PRKCH: variants seen among roughly 807,000 people sequenced by gnomAD.
PRKCH encodes protein kinase C eta.
A neutral mutation model predicts 82.5 loss-of-function variants in PRKCH; 28 were observed. The ratio of observed to expected loss-of-function variants is 0.34; its 90% CI spans 0.25 to 0.47. PRKCH has a LOEUF of 0.47. Among genes scored for constraint, PRKCH ranks in the 20% least tolerant of loss-of-function variants. The pLI is 1.00. For missense variants in PRKCH, 705 were observed against 881.8 expected (o/e 0.80, Z 2.54); for synonymous variants, 322 against 327.4 (o/e 0.98, Z 0.18).
rs373945480 is a variant in PRKCH at position 61,326,831 on chromosome 14, T to G, written c.363+4367T>G. The G allele has an allele frequency of 1.2e-4, 25 of 207,510 alleles. 2 individuals are homozygous for G. The highest frequency in any genetic ancestry group is 1.1e-3 in the Admixed American group (20 of 17,936). 12.9% of individuals were successfully genotyped at this position (207,510 alleles called of 1,614,324 possible). On this transcript the variant is annotated intron_variant, in intron 1 of 13. Coordinates refer to ENST00000332981, the MANE Select transcript of PRKCH (RefSeq NM_006255.5). ...ATGGTCTCATTTTCTAAATTATCACTGTCAGTTTTTTTTCTGCTGCTTCTA... is the reference window on the plus strand; with the variant it reads ...ATGGTCTCATTTTCTAAATTATCACGGTCAGTTTTTTTTCTGCTGCTTCTA...
intron 1 of PRKCH, among the ~76,000 whole-genome samples, chr14:61,201,709 C>T (rs780663153): frequency 6.6e-6 from 1 of 151,948 alleles, no homozygotes; most frequent in Non-Finnish European, 1.5e-5. Context: ...GCCAATAGAA[C>T]TAAAAATAAA....
chr14:61,460,277 T>G (rs1469320043), intron 9 of PRKCH, among the ~76,000 whole-genome samples: 1 of 152,230 alleles, frequency 6.6e-6, no homozygotes, highest in Non-Finnish European at 1.5e-5. Context: ...TTAATTTAAC[T>G]TTTCCTCCTC....
At chr14:61,323,354 C>A (rs998980326) in intron 1 of PRKCH, among the ~76,000 whole-genome samples, 1 of 152,186 alleles carries the variant, frequency 6.6e-6, no homozygotes, top group Non-Finnish European at 1.5e-5. Flanking sequence ...AATCCTCACA[C>A]TGTCTTTGTG....
intron 7 of PRKCH, among the ~76,000 whole-genome samples, chr14:61,454,426 C>A (rs1884665487): frequency 6.6e-6 from 1 of 152,164 alleles, no homozygotes; most frequent in Non-Finnish European, 1.5e-5. Context: ...TTAAAATCAG[C>A]TTCCTGTCAC....
intron 10 of PRKCH, among the ~76,000 whole-genome samples, chr14:61,510,955 C>A (rs1367450573): frequency 6.6e-6 from 1 of 152,022 alleles, no homozygotes; most frequent in Non-Finnish European, 1.5e-5. Context: ...AAGAACAGAA[C>A]CTTAGGGAAC....
chr14:61,218,564 C>T (rs1328844163), intron 1 of PRKCH, among the ~76,000 whole-genome samples: 2 of 152,120 alleles, frequency 1.3e-5, no homozygotes, highest in South Asian at 4.2e-4. Flanking sequence ...TCCTGCCCCA[C>T]CGCCCCCCAA....
chr14:61,426,229 T>G (rs1485223737), intron 2 of PRKCH, among the ~76,000 whole-genome samples: 1 of 152,242 alleles, frequency 6.6e-6, no homozygotes. Context: ...GGCTTCTTCA[T>G]GTAGAGGAAC....
chr14:61,374,201 C>A (rs4902050), intron 1 of PRKCH, among the ~76,000 whole-genome samples: 9,339 of 152,208 alleles, frequency 0.061, 482 homozygotes, highest in East Asian at 0.22. Flanking sequence ...CAGGGCACAC[C>A]GATGCAAGGG....
intron 1 of PRKCH, among the ~76,000 whole-genome samples, chr14:61,238,672 T>C (rs2044810513): frequency 6.6e-6 from 1 of 152,212 alleles, no homozygotes; most frequent in South Asian, 2.1e-4. Flanking sequence ...TATCAATGTT[T>C]TCTTTATTCA....
chr14:61,265,849 C>T (rs2079656727), intron 1 of PRKCH, among the ~76,000 whole-genome samples: 2 of 152,158 alleles, frequency 1.3e-5, no homozygotes, highest in Non-Finnish European at 2.9e-5. Context: ...AATCCCAGCA[C>T]TCTGGAAGGA....
At position 61,203,457 on chromosome 14, in the gene PRKCH, G is replaced by C. The variant is rs1162543697; in HGVS notation, c.-19+15789G>C. The stretch of plus-strand genomic sequence containing the variant: ...CAGGCATGGTGGAGGGGCTTGGGGG[G>C]TACTCAAATGACAGGACTGAAGATT... On this transcript the variant is annotated intron_variant, in intron 1 of 3. Coordinates refer to the PRKCH transcript ENST00000555185. 5.3e-5 allele frequency among the ~76,000 whole-genome samples: 8 copies of C among 152,170 alleles called. No individual in the cohort carries two copies. The South Asian group carries it at 1.5e-3, about 28-fold the overall frequency.
At chr14:61,519,182 C>T (rs1040427617) in intron 10 of PRKCH, among the ~76,000 whole-genome samples, 5 of 151,806 alleles carry the variant, frequency 3.3e-5, no homozygotes, top group East Asian at 1.9e-4. Context: ...ACTTGGAGGC[C>T]GAGGTGAGAG....
chr14:61,537,397 G>A (rs1468353987), intron 12 of PRKCH: 1 of 152,096 alleles, frequency 6.6e-6, no homozygotes, highest in Non-Finnish European at 1.5e-5. Flanking sequence ...CCTGTTTTCT[G>A]GTGTCAACAT....
At chr14:61,312,840 GGGT>G (rs374450038) in intron 1 of PRKCH, among the ~76,000 whole-genome samples, 6 of 152,272 alleles carry the variant, frequency 3.9e-5, no homozygotes, top group African/African-American at 1.4e-4. Flanking sequence ...GACGCGATCT[GGGT>G]GGCACACAGC....
intron 10 of PRKCH, among the ~76,000 whole-genome samples, chr14:61,498,529 G>A (rs926937898): frequency 2.6e-5 from 4 of 152,146 alleles, no homozygotes; most frequent in Non-Finnish European, 4.4e-5. Context: ...AAATACCACA[G>A]ACTGGATTCC....
chr14:61,510,334 C>G (rs1247450584), intron 10 of PRKCH, among the ~76,000 whole-genome samples: 1 of 151,964 alleles, frequency 6.6e-6, no homozygotes, highest in Non-Finnish European at 1.5e-5. Context: ...AGCCTGGAAG[C>G]CAGGAGTTCA....
At chr14:61,288,587 C>T (rs996676548) in intron 1 of PRKCH, among the ~76,000 whole-genome samples, 5 of 152,130 alleles carry the variant, frequency 3.3e-5, no homozygotes, top group African/African-American at 7.2e-5. Context: ...ACTCTGAATT[C>T]GTAATGGCTG....
At chr14:61,329,234 C>CTGTTTTTTTTTTT (rs2045747042) in intron 1 of PRKCH, among the ~76,000 whole-genome samples, 1 of 63,462 alleles carries the variant, frequency 1.6e-5, no homozygotes, top group Non-Finnish European at 2.7e-5. Flanking sequence ...ACTCCTGAGT[C>CTGTTTTTTTTTTT]TTTTTTTTTT....
chr14:61,243,975 T>A (rs1474029771), intron 1 of PRKCH, among the ~76,000 whole-genome samples: 2 of 151,822 alleles, frequency 1.3e-5, no homozygotes, highest in Non-Finnish European at 2.9e-5. Flanking sequence ...ACAGCAACAC[T>A]TTAGCTTTCT....
Sources: gnomAD v4.1 joint callset for allele counts (sites outside exome capture counted in the v4.1 genomes callset) on GRCh38, gnomAD v4.1.1 for gene constraint, MANE v1.5 for transcripts, NCBI Gene and HGNC (gene_info 2026-07-23, HGNC 2026-07-21) for gene names.